The following GPR137B variants were observed in gnomAD, a reference collection of about 807,000 sequenced individuals.
The protein encoded by GPR137B is integral membrane protein GPR137B.
Under a neutral mutation model 42.5 loss-of-function variants are expected in GPR137B, and 42 were observed. That is an observed-to-expected ratio of 0.99 (90% CI 0.77 to 1.28). GPR137B has a LOEUF of 1.28. Among genes scored for constraint, GPR137B ranks in the 50% most tolerant of loss-of-function variants. GPR137B has a pLI of 0.00. For synonymous variants in GPR137B, 218 were observed against 209.7 expected (o/e 1.04, Z -0.34); for missense variants, 487 against 493.9 (o/e 0.99, Z 0.13).
rs1558490706 is a variant in GPR137B, at chr1:236,184,310, C to T, written c.966+404C>T. ...GAGAACACTCATAGGAAATAGTATG[C>T]CGGATGGCGACTAGGGAATGGGAGG... On this transcript the variant is annotated intron_variant, in intron 5 of 6. Coordinates refer to ENST00000366592, the MANE Select transcript of GPR137B (RefSeq NM_003272.4). Among the ~76,000 whole-genome samples the T allele has an allele frequency of 2.6e-5, 4 of 152,222 alleles. No homozygotes were observed. In the South Asian group the frequency reaches 6.2e-4, roughly 24 times the overall value.
chr1:236,195,072 G>A (rs143698965), intron 5 of GPR137B, among the ~76,000 whole-genome samples: 1 of 152,122 alleles, frequency 6.6e-6, no homozygotes, highest in African/African-American at 2.4e-5. Flanking sequence ...CATGGAGAAT[G>A]GTGTCTCCAT....
rs1319377285 is a variant in GPR137B at position 236,207,991 on chromosome 1, A to T, written c.1092-59A>T. 4 of 1,237,090 alleles carry T rather than the reference A, an allele frequency of 3.2e-6. No homozygotes were observed. The African/African-American group carries it at 6.0e-5, about 19-fold the overall frequency. 76.6% of individuals were successfully genotyped at this position (1,237,090 alleles called of 1,614,324 possible). On this transcript the variant is annotated intron_variant, in intron 6 of 6. Transcript: ENST00000366592. ...TCTCAGCTCTGTCTACCTAAACTAG[A>T]CTATGTCATACATACTATATAATGT...
At position 236,199,879 on chromosome 1, in the gene GPR137B, C is replaced by T. The variant is rs968373301; in HGVS notation, c.967-5247C>T. 2.0e-5 allele frequency among the ~76,000 whole-genome samples: 3 copies of T among 151,906 alleles called. 1 individual carries two copies. The South Asian group carries it at 6.2e-4, about 31-fold the overall frequency. ...AGTTCTGCTCTGATCTTTGTTATTTCTTTTCTTCTGCTGGGTTTGGGTTTG... is the reference window on the plus strand; with the variant it reads ...AGTTCTGCTCTGATCTTTGTTATTTTTTTTCTTCTGCTGGGTTTGGGTTTG... On this transcript the variant is annotated intron_variant, in intron 5 of 6. Transcript: ENST00000366592.
intron 1 of GPR137B, among the ~76,000 whole-genome samples, chr1:236,159,939 A>C (rs1662139832): frequency 6.6e-6 from 1 of 152,226 alleles, no homozygotes; most frequent in African/African-American, 2.4e-5. Flanking sequence ...CCAGCGCCTG[A>C]CAGCGGCCAG....
intron 5 of GPR137B, 139 bp from the exon 6 acceptor site, chr1:236,204,987 G>T: frequency 1.5e-6 from 1 of 682,952 alleles, no homozygotes. Flanking sequence ...TAACTGAAAT[G>T]AATATTCCAG....
intron 2 of GPR137B, among the ~76,000 whole-genome samples, chr1:236,169,210 G>GCAGGTA (rs200459012): frequency 0.028 from 3,759 of 133,360 alleles, 66 homozygotes; most frequent in Middle Eastern, 0.052. Flanking sequence ...AGGTGCAGGT[G>GCAGGTA]CAGGTACAGG....
chr1:236,185,488 G>A (rs1424333184), intron 5 of GPR137B, among the ~76,000 whole-genome samples: 1 of 152,170 alleles, frequency 6.6e-6, no homozygotes, highest in Non-Finnish European at 1.5e-5. Context: ...GGTAGGTTCC[G>A]GGAATGTACA....
chr1:236,178,891 A>G (rs1012130006), intron 3 of GPR137B, among the ~76,000 whole-genome samples: 6 of 133,534 alleles, frequency 4.5e-5, no homozygotes, highest in Non-Finnish European at 7.7e-5. Flanking sequence ...TCCGCCTCCC[A>G]GGTTCACGCC....
At chr1:236,187,987 G>A (rs1292001202) in intron 5 of GPR137B, among the ~76,000 whole-genome samples, 2 of 152,208 alleles carry the variant, frequency 1.3e-5, no homozygotes, top group East Asian at 3.9e-4. Context: ...CCATTTGTTT[G>A]TGTCCTCTCT....
At chr1:236,192,490 C>T (rs371668152) in intron 5 of GPR137B, among the ~76,000 whole-genome samples, 6 of 152,154 alleles carry the variant, frequency 3.9e-5, no homozygotes, top group African/African-American at 1.2e-4. Context: ...GAGGGAATCT[C>T]CTGGTCTGCG....
intron 5 of GPR137B, among the ~76,000 whole-genome samples, chr1:236,204,768 C>T (rs1415452688): frequency 6.6e-6 from 1 of 152,074 alleles, no homozygotes; most frequent in Non-Finnish European, 1.5e-5. Flanking sequence ...GGGTTTTAGT[C>T]TTTCCGGTTT....
chr1:236,201,774 C>T (rs1254343446), intron 5 of GPR137B, among the ~76,000 whole-genome samples: 1 of 152,006 alleles, frequency 6.6e-6, no homozygotes, highest in Non-Finnish European at 1.5e-5. Context: ...GGTATTTCTT[C>T]TTGGTTTGGA....
intron 1 of GPR137B, among the ~76,000 whole-genome samples, chr1:236,152,772 A>G (rs180860471): frequency 1.6e-4 from 24 of 150,266 alleles, no homozygotes; most frequent in Non-Finnish European, 3.0e-4. Flanking sequence ...AAAACAATGT[A>G]TTGGGCTAGG....
rs368072416 is a variant in GPR137B, at chr1:236,156,857, G to C, written c.415-11849G>C. 6.6e-6 allele frequency among the ~76,000 whole-genome samples: 1 copy of C among 152,194 alleles called. No homozygotes were observed. The highest frequency in any genetic ancestry group is 1.9e-4 in the East Asian group (1 of 5,202). On this transcript the variant is annotated intron_variant, in intron 1 of 6. Transcript: ENST00000366592. The surrounding 1 kb of genome is among the most constrained non-coding windows in gnomAD (Gnocchi z 4.8). ...GACCAGGAGAGCAAATATCGAATGC[G>C]TCAGTGGTTCTTAACCTTTTTCAGT...
chr1:236,203,178 C>T (rs182181869), intron 5 of GPR137B, among the ~76,000 whole-genome samples: 25 of 152,126 alleles, frequency 1.6e-4, no homozygotes, highest in Middle Eastern at 3.4e-3. Flanking sequence ...CCCAGGTTCA[C>T]GCCATTCTCC....
At chr1:236,153,944 G>C (rs753313659) in intron 1 of GPR137B, among the ~76,000 whole-genome samples, 42 of 152,218 alleles carry the variant, frequency 2.8e-4, no homozygotes, top group African/African-American at 9.6e-4. Context: ...GATGGCTGTG[G>C]AGGGAACTTC....
At chr1:236,199,184 A>T (rs1663425168) in intron 5 of GPR137B, among the ~76,000 whole-genome samples, 1 of 152,098 alleles carries the variant, frequency 6.6e-6, no homozygotes, top group African/African-American at 2.4e-5. Flanking sequence ...AATTCTGTTT[A>T]TGTGATATAG....
At chr1:236,144,748 G>A (rs1164860219) in intron 1 of GPR137B, among the ~76,000 whole-genome samples, 1 of 152,232 alleles carries the variant, frequency 6.6e-6, no homozygotes, top group Non-Finnish European at 1.5e-5. Context: ...GCAAAAGACA[G>A]GTGAGGTGAT....
chr1:236,190,993 T>C (rs2094046), intron 5 of GPR137B, among the ~76,000 whole-genome samples: 34,667 of 152,110 alleles, frequency 0.23, 5,396 homozygotes, highest in African/African-American at 0.44. Context: ...AAATGTAGAT[T>C]TGGTCTTTTC....
Sources: allele counts gnomAD v4.1 joint callset (sites outside exome capture counted in the v4.1 genomes callset), GRCh38; gene constraint gnomAD v4.1.1; non-coding constraint Gnocchi (gnomAD v3.1); transcripts MANE v1.5; gene names NCBI Gene and HGNC (gene_info 2026-07-23, HGNC 2026-07-21).